Variants in NXPH1 observed in about 807,000 individuals in gnomAD.
The protein encoded by NXPH1 is neurexophilin 1.
A neutral mutation model predicts 23.7 loss-of-function variants in NXPH1; 5 were observed. That is an observed-to-expected ratio of 0.21 (90% CI 0.11 to 0.44). The LOEUF is 0.44. NXPH1 is among the 20% of genes least tolerant of loss of function. The pLI is 0.99. For synonymous variants in NXPH1, 144 were observed against 122.2 expected (o/e 1.18, Z -1.18); for missense variants, 324 against 321.6 (o/e 1.01, Z -0.06).
At chr7:8,725,699 G>A (rs983991901) in intron 2 of NXPH1, among the ~76,000 whole-genome samples, 1 of 152,070 alleles carries the variant, frequency 6.6e-6, no homozygotes, top group Non-Finnish European at 1.5e-5. Flanking sequence ...TTTTTTCTTA[G>A]ACAATGCCAC....
chr7:8,587,539 G>A (rs576008938), intron 2 of NXPH1, among the ~76,000 whole-genome samples: 1 of 152,170 alleles, frequency 6.6e-6, no homozygotes, highest in East Asian at 1.9e-4. Context: ...AGAACGTACA[G>A]GTTTGTTACA....
chr7:8,711,556 A>C (rs1015204900), intron 2 of NXPH1, among the ~76,000 whole-genome samples: 21 of 152,306 alleles, frequency 1.4e-4, no homozygotes, highest in African/African-American at 4.8e-4. Context: ...TGGTGTCAAC[A>C]TGGGCTGGCA....
chr7:8,603,153 A>G (rs1429167791), intron 2 of NXPH1, among the ~76,000 whole-genome samples: 1 of 152,166 alleles, frequency 6.6e-6, no homozygotes, highest in Non-Finnish European at 1.5e-5. Context: ...TGCCTAGAAT[A>G]TGGTAATGCC....
At position 8,534,945 on chromosome 7, in the gene NXPH1, C is replaced by A. The variant is rs556682174; in HGVS notation, c.54+99178C>A. Among the ~76,000 whole-genome samples, 271 of 152,134 alleles carry A rather than the reference C, an allele frequency of 1.8e-3. 1 individual carries two copies. Among genetic ancestry groups the A allele is most frequent in the Non-Finnish European group, 3.1e-3 (209 of 67,990 alleles). On this transcript the variant is annotated intron_variant, in intron 2 of 2. Coordinates refer to ENST00000405863, the MANE Select transcript of NXPH1 (RefSeq NM_152745.3). ...ATGGCACAAATGTATCTGAATGAAA[C>A]ATGAAAGAAAATAAGCAAATAGACA... is the stretch of plus-strand genomic sequence containing the variant.
chr7:8,672,531 A>G (rs1820887911), intron 2 of NXPH1, among the ~76,000 whole-genome samples: 1 of 149,982 alleles, frequency 6.7e-6, no homozygotes, highest in African/African-American at 2.5e-5. Flanking sequence ...CCCTAGGGGA[A>G]AAAAAAAAGC....
chr7:8,634,903 T>C (rs1050561193), intron 2 of NXPH1, among the ~76,000 whole-genome samples: 1 of 152,180 alleles, frequency 6.6e-6, no homozygotes, highest in Non-Finnish European at 1.5e-5. Context: ...CAAGACACTT[T>C]TAAAGTACTT....
chr7:8,705,266 C>T (rs1249399160), intron 2 of NXPH1, among the ~76,000 whole-genome samples: 1 of 152,136 alleles, frequency 6.6e-6, no homozygotes, highest in Non-Finnish European at 1.5e-5. Context: ...GGTCCATGGA[C>T]CCATATTGAA....
chr7:8,542,583 G>C (rs924707597), intron 2 of NXPH1, among the ~76,000 whole-genome samples: 1 of 151,576 alleles, frequency 6.6e-6, no homozygotes, highest in Non-Finnish European at 1.5e-5. Flanking sequence ...CCATGAAACA[G>C]TCTCAGTAAA....
intron 2 of NXPH1, among the ~76,000 whole-genome samples, chr7:8,576,156 T>A (rs1013796512): frequency 6.6e-6 from 1 of 152,172 alleles, no homozygotes; most frequent in Non-Finnish European, 1.5e-5. Flanking sequence ...AGCAAGTATA[T>A]CAAACTCTTC....
rs796900483 is a variant in NXPH1, at chr7:8,613,156, G to GT, written c.55-137843dup. Reference sequence around the variant, plus strand: ...TTCCTTAATATATAGGATTCAGAGGGTTTTTTTTTCAATCATTATCTCCAT... The same window carrying GT: ...TTCCTTAATATATAGGATTCAGAGGGTTTTTTTTTTCAATCATTATCTCCAT... On this transcript the variant is annotated intron_variant, in intron 2 of 2. Transcript: ENST00000405863. Among the ~76,000 whole-genome samples the GT allele has an allele frequency of 4.4e-3, 656 of 149,918 alleles. 5 individuals carry two copies. Among genetic ancestry groups the GT allele is most frequent in the African/African-American group, 0.015 (607 of 40,884 alleles).
At chr7:8,704,800 C>A (rs145095165) in intron 2 of NXPH1, among the ~76,000 whole-genome samples, 1,758 of 151,794 alleles carry the variant, frequency 0.012, 27 homozygotes, top group African/African-American at 0.033. Context: ...ACTTGACTTG[C>A]ATCACCACAG....
chr7:8,437,737 C>T (rs1053435902), intron 2 of NXPH1, among the ~76,000 whole-genome samples: 1 of 152,228 alleles, frequency 6.6e-6, no homozygotes, highest in Non-Finnish European at 1.5e-5. Flanking sequence ...CGCATTAATT[C>T]TCCTTTAATT....
chr7:8,725,489 CAAA>C (rs57404484), intron 2 of NXPH1, among the ~76,000 whole-genome samples: 10 of 105,688 alleles, frequency 9.5e-5, no homozygotes, highest in African/African-American at 2.4e-4. Context: ...GATTCTGTCT[CAAA>C]AAAAAAAAAA....
intron 2 of NXPH1, among the ~76,000 whole-genome samples, chr7:8,476,094 T>C (rs1816966130): frequency 6.6e-6 from 1 of 152,194 alleles, no homozygotes; most frequent in Non-Finnish European, 1.5e-5. Flanking sequence ...TCTTCTACAG[T>C]AGGTTTCTTA....
intron 2 of NXPH1, among the ~76,000 whole-genome samples, chr7:8,538,417 T>C (rs1354844526): frequency 1.3e-5 from 2 of 151,770 alleles, no homozygotes; most frequent in African/African-American, 4.8e-5. Context: ...AAAACCTGGG[T>C]TTCAAACTAA....
intron 2 of NXPH1, among the ~76,000 whole-genome samples, chr7:8,599,748 G>A (rs1819312212): frequency 6.6e-6 from 1 of 151,752 alleles, no homozygotes; most frequent in African/African-American, 2.4e-5. Flanking sequence ...CACCATTACA[G>A]AGTGCTGTTT....
chr7:8,718,744 A>T lies in NXPH1; in HGVS notation c.55-32264A>T, dbSNP rs118191953. ...ACATCTCCAGGAAGTAGGGGGAAAA[A>T]CCACTTATATTTGAAACCAGAAAAG... On this transcript the variant is annotated intron_variant, in intron 2 of 2. Coordinates refer to ENST00000405863, the MANE Select transcript of NXPH1 (RefSeq NM_152745.3). 2.2e-3 allele frequency among the ~76,000 whole-genome samples: 335 copies of T among 152,294 alleles called. 1 individual carries two copies. The highest frequency in any genetic ancestry group is 7.7e-3 in the African/African-American group (320 of 41,558).
chr7:8,482,991 G>A (rs116204455), intron 2 of NXPH1, among the ~76,000 whole-genome samples: 2,302 of 152,212 alleles, frequency 0.015, 50 homozygotes, highest in African/African-American at 0.052. Flanking sequence ...GTCAATATAC[G>A]GAAATAAACA....
intron 2 of NXPH1, among the ~76,000 whole-genome samples, chr7:8,664,067 G>A (rs2115164078): frequency 6.6e-6 from 1 of 152,044 alleles, no homozygotes; most frequent in East Asian, 1.9e-4. Context: ...AATTTAGAAA[G>A]CCATGTATGA....
Sources: allele counts gnomAD v4.1 joint callset (sites outside exome capture counted in the v4.1 genomes callset), GRCh38; gene constraint gnomAD v4.1.1; transcripts MANE v1.5; gene names NCBI Gene and HGNC (gene_info 2026-07-23, HGNC 2026-07-21).